ZFYVE28: variants seen among roughly 807,000 people sequenced by gnomAD.
The protein encoded by ZFYVE28 is lateral signaling target protein 2 homolog.
In ZFYVE28, 40 loss-of-function variants were observed where a neutral mutation model predicts 82.1. The observed-to-expected ratio is 0.49, with a 90% CI of 0.38 to 0.63. The LOEUF is 0.63. Among genes scored for constraint, ZFYVE28 ranks in the 30% least tolerant of loss-of-function variants. The pLI is 0.00. For missense variants in ZFYVE28, 1,321 were observed against 1,242.1 expected (o/e 1.06, Z -0.96); for synonymous variants, 612 against 546.1 (o/e 1.12, Z -1.68).
intron 1 of ZFYVE28, among the ~76,000 whole-genome samples, chr4:2,385,829 C>T (rs1039789393): frequency 2.0e-4 from 30 of 152,308 alleles, no homozygotes; most frequent in African/African-American, 6.7e-4. Flanking sequence ...GCTTAAGAGC[C>T]GCAGACAGGC....
At chr4:2,303,756 G>A (rs1438378861) in intron 8 of ZFYVE28, among the ~76,000 whole-genome samples, 3 of 152,194 alleles carry the variant, frequency 2.0e-5, no homozygotes, top group Non-Finnish European at 2.9e-5. Flanking sequence ...TTGCCCATGG[G>A]TGGTCTCAGC....
chr4:2,278,041 C>T (rs1378463397), intron 8 of ZFYVE28, among the ~76,000 whole-genome samples: 1 of 152,142 alleles, frequency 6.6e-6, no homozygotes, highest in Admixed American at 6.5e-5. Context: ...GCAGTGGATT[C>T]TCAGCAAGGG....
intron 5 of ZFYVE28, among the ~76,000 whole-genome samples, chr4:2,336,299 G>C (rs1038046107): frequency 6.6e-6 from 1 of 152,158 alleles, no homozygotes; most frequent in African/African-American, 2.4e-5. Flanking sequence ...CTGGCATCGT[G>C]ACTTTTCAAA....
chr4:2,358,258 T>C (rs1292374788), intron 1 of ZFYVE28, among the ~76,000 whole-genome samples: 1 of 152,170 alleles, frequency 6.6e-6, no homozygotes, highest in African/African-American at 2.4e-5. Flanking sequence ...CATGTATCTG[T>C]GTGCATGTGA....
At chr4:2,395,676 C>T (rs1486205161) in intron 1 of ZFYVE28, among the ~76,000 whole-genome samples, 1 of 152,234 alleles carries the variant, frequency 6.6e-6, no homozygotes, top group Non-Finnish European at 1.5e-5. Flanking sequence ...TCCTTCCCCA[C>T]TCCCAGCTCT....
intron 1 of ZFYVE28, among the ~76,000 whole-genome samples, chr4:2,366,353 C>T (rs917770762): frequency 6.6e-6 from 1 of 152,334 alleles, no homozygotes; most frequent in African/African-American, 2.4e-5. Flanking sequence ...GAAGCAAGCC[C>T]AGGCCTCTGC....
chr4:2,371,051 C>T (rs939802590), intron 1 of ZFYVE28, among the ~76,000 whole-genome samples: 8 of 152,224 alleles, frequency 5.3e-5, no homozygotes, highest in African/African-American at 1.9e-4. Flanking sequence ...GGCTCTTCTT[C>T]TTGACCAGTT....
At chr4:2,319,659 C>G (rs1718755844) in intron 7 of ZFYVE28, among the ~76,000 whole-genome samples, 1 of 152,198 alleles carries the variant, frequency 6.6e-6, no homozygotes, top group Admixed American at 6.5e-5. Flanking sequence ...GGCCACCCAG[C>G]AAAGCCCTTG....
intron 1 of ZFYVE28, among the ~76,000 whole-genome samples, chr4:2,396,811 G>A (rs942164393): frequency 1.3e-5 from 2 of 152,144 alleles, no homozygotes; most frequent in Admixed American, 6.5e-5. Flanking sequence ...AAGGAGCCCC[G>A]GGTGGCTGAA....
At chr4:2,292,327 G>T (rs552035001) in intron 8 of ZFYVE28, among the ~76,000 whole-genome samples, 1 of 152,214 alleles carries the variant, frequency 6.6e-6, no homozygotes, top group Non-Finnish European at 1.5e-5. Context: ...TGGGCTGAAC[G>T]ATGGTGGCTC....
chr4:2,382,618 T>C (rs1728842705), intron 1 of ZFYVE28, among the ~76,000 whole-genome samples: 1 of 152,234 alleles, frequency 6.6e-6, no homozygotes, highest in Non-Finnish European at 1.5e-5. Flanking sequence ...CCCCATTGTA[T>C]CTAGGAAGTA....
chr4:2,345,431 A>C (rs1185756483), intron 2 of ZFYVE28, among the ~76,000 whole-genome samples: 4 of 152,088 alleles, frequency 2.6e-5, no homozygotes, highest in Non-Finnish European at 2.9e-5. Context: ...CTGAGATGAA[A>C]AAATATACTG....
chr4:2,353,716 C>A (rs549778131), intron 2 of ZFYVE28, among the ~76,000 whole-genome samples: 5 of 152,214 alleles, frequency 3.3e-5, no homozygotes, highest in East Asian at 1.9e-4. Flanking sequence ...TCTGCTCCCC[C>A]AAGTGTCCCG....
At chr4:2,318,535 C>T (rs1045795855) in intron 7 of ZFYVE28, among the ~76,000 whole-genome samples, 3 of 152,330 alleles carry the variant, frequency 2.0e-5, no homozygotes, top group Admixed American at 6.5e-5. Flanking sequence ...TGGACAGTAA[C>T]GGATAAGTCC....
rs556607390 is a variant in ZFYVE28 at position 2,279,800 on chromosome 4, T to C, written c.2052-5584A>G. Among the ~76,000 whole-genome samples the C allele has an allele frequency of 1.2e-3, 180 of 150,484 alleles. 5 individuals carry two copies. The East Asian group carries it at 0.033, about 28-fold the overall frequency. ...TTCAAAAAAAAAAAAAAAAATCACATACTGTATGATTGATTCCATTCACAT... is the reference window on the plus strand; with the variant it reads ...TTCAAAAAAAAAAAAAAAAATCACACACTGTATGATTGATTCCATTCACAT... On this transcript the variant is annotated intron_variant, in intron 8 of 12. Coordinates refer to ENST00000290974, the MANE Select transcript of ZFYVE28 (RefSeq NM_020972.3).
intron 1 of ZFYVE28, among the ~76,000 whole-genome samples, chr4:2,399,144 C>T (rs116063727): frequency 5.6e-3 from 35 of 6,212 alleles, no homozygotes; most frequent in South Asian, 7.2e-3. Flanking sequence ...TGGTGAGATC[C>T]AGGGCACAAG....
At position 2,274,368 on chromosome 4, in the gene ZFYVE28, AC is replaced by A. The variant is rs974936164; in HGVS notation, c.2052-153del. ...TGCCCAGATACACAACTTTCCTGTAACTTCACCTAAAATGTCCTCAGTGTAA... is the reference window on the plus strand; with the variant it reads ...TGCCCAGATACACAACTTTCCTGTAATTCACCTAAAATGTCCTCAGTGTAA... On this transcript the variant is annotated intron_variant, in intron 8 of 12. Coordinates refer to ENST00000290974, the MANE Select transcript of ZFYVE28 (RefSeq NM_020972.3). 3 of 983,350 alleles carry A rather than the reference AC, an allele frequency of 3.1e-6. No individual in the cohort carries two copies. The African/African-American group carries it at 4.9e-5, about 16-fold the overall frequency. The allele number at this position is 983,350 out of a possible 1,614,324, so 60.9% of individuals were successfully genotyped here. A position where few individuals can be genotyped will look rare whatever the true frequency, so the allele number is the denominator to read the frequency against.
chr4:2,323,604 A>G (rs1299506413), intron 6 of ZFYVE28, among the ~76,000 whole-genome samples: 1 of 151,934 alleles, frequency 6.6e-6, no homozygotes, highest in Non-Finnish European at 1.5e-5. Flanking sequence ...CAGGTTAGTT[A>G]CATATGTATA....
chr4:2,346,758 G>A (rs1222558501), intron 2 of ZFYVE28, among the ~76,000 whole-genome samples: 2 of 151,828 alleles, frequency 1.3e-5, no homozygotes, highest in African/African-American at 2.4e-5. Context: ...TCTGGCTAAT[G>A]AGCCAACAAA....
Sources: gnomAD v4.1 joint callset for allele counts (sites outside exome capture counted in the v4.1 genomes callset) on GRCh38, gnomAD v4.1.1 for gene constraint, MANE v1.5 for transcripts, NCBI Gene and HGNC (gene_info 2026-07-23, HGNC 2026-07-21) for gene names.